The following SSH2 variants were observed in gnomAD, a reference collection of about 807,000 sequenced individuals.
SSH2 encodes the protein protein phosphatase Slingshot homolog 2.
SSH2 carries 37 observed loss-of-function variants against 135.2 expected under a neutral mutation model. That is an observed-to-expected ratio of 0.27 (90% CI 0.21 to 0.36). The LOEUF (loss-of-function observed/expected upper bound fraction) is 0.36, where lower values mean the gene tolerates loss of function less well. SSH2 is among the 10% of genes least tolerant of loss of function. SSH2 has a pLI of 1.00. For synonymous variants in SSH2, 628 were observed against 646.2 expected, an observed-to-expected ratio of 0.97 and a Z score of 0.43; for missense variants, 1,408 against 1,765.3, an observed-to-expected ratio of 0.80 and a Z score of 3.63.
intron 1 of SSH2, among the ~76,000 whole-genome samples, chr17:29,854,657 C>A (rs1476433457): frequency 1.3e-5 from 2 of 150,226 alleles, no homozygotes; most frequent in African/African-American, 2.5e-5. Flanking sequence ...AAGAAATAAT[C>A]CCACAAGAGG....
rs923469836 is a variant in SSH2, at chr17:29,829,074, G to C, written c.144+19775C>G. 2.0e-5 allele frequency among the ~76,000 whole-genome samples: 3 copies of C among 152,148 alleles called. No individual in the cohort carries two copies. In the East Asian group the frequency reaches 5.8e-4, roughly 29 times the overall value. On this transcript the variant is annotated intron_variant, in intron 2 of 15. Coordinates refer to ENST00000540801, the MANE Select transcript of SSH2 (RefSeq NM_001282129.2). ...CAAGTCCACATGTGACCCATGAATG[G>C]AGTGCTATTCCATGAGCCACAAAAA...
chr17:29,661,061 CAAAAAAA>C (rs374216221), intron 11 of SSH2, among the ~76,000 whole-genome samples: 1 of 48,360 alleles, frequency 2.1e-5, no homozygotes, highest in South Asian at 7.3e-4. Flanking sequence ...AATTCCATCT[CAAAAAAA>C]AAAAAAAAAA....
At chr17:29,787,592 T>C (rs2041992553) in intron 3 of SSH2, 1 of 152,208 alleles carries the variant, frequency 6.6e-6, no homozygotes, top group Non-Finnish European at 1.5e-5. Context: ...CATTTTACAT[T>C]CCCACCAATA....
chr17:29,651,618 T>C (rs1292348028), intron 12 of SSH2, among the ~76,000 whole-genome samples: 3 of 152,364 alleles, frequency 2.0e-5, no homozygotes, highest in Admixed American at 6.5e-5. Context: ...CAATACAGCA[T>C]GGACTCACTC....
At chr17:29,716,650 AT>A in intron 3 of SSH2, 2 of 655,860 alleles carry the variant, frequency 3.0e-6, no homozygotes, top group Non-Finnish European at 5.7e-6. Flanking sequence ...TAGAGAACAT[AT>A]ATCGGGTGCC....
chr17:29,696,799 C>G (rs2038776597), intron 4 of SSH2, among the ~76,000 whole-genome samples: 1 of 151,378 alleles, frequency 6.6e-6, no homozygotes, highest in Non-Finnish European at 1.5e-5. Flanking sequence ...ATTCTCCTGC[C>G]TCAGCCTCCC....
In SSH2 at chr17:29,655,290, G is replaced by A. The variant is rs2036737735; in HGVS notation, c.1079+271C>T. Among the ~76,000 whole-genome samples, 7 of 152,090 alleles carry A rather than the reference G, an allele frequency of 4.6e-5. No individual in the cohort carries two copies. In the South Asian group the frequency reaches 1.4e-3, roughly 32 times the overall value. ...GGCTAATTTTTTTGTATTTTTAGTA[G>A]AGACGGGGTTTCACTGTGTTAGCCA... is the stretch of plus-strand genomic sequence containing the variant. On this transcript the variant is annotated intron_variant, in intron 12 of 15. Transcript: ENST00000540801.
At chr17:29,794,011 C>T (rs2042117293) in intron 2 of SSH2, 74 bp from the exon 3 acceptor site, 2 of 1,110,770 alleles carry the variant, frequency 1.8e-6, no homozygotes, top group Non-Finnish European at 2.7e-6. Context: ...TATAATTTTA[C>T]TAAGTTTCAC....
chr17:29,712,860 T>A (rs1172087237), intron 3 of SSH2, among the ~76,000 whole-genome samples: 1 of 152,118 alleles, frequency 6.6e-6, no homozygotes, highest in African/African-American at 2.4e-5. Context: ...ATATATCAAC[T>A]GAAGCCCAGA....
At chr17:29,861,981 C>T (rs868677709) in intron 1 of SSH2, among the ~76,000 whole-genome samples, 1 of 152,184 alleles carries the variant, frequency 6.6e-6, no homozygotes, top group African/African-American at 2.4e-5. Context: ...TAGTTATATA[C>T]TTTGCACATA....
At chr17:29,752,364 G>T (rs1385335184) in intron 3 of SSH2, among the ~76,000 whole-genome samples, 1 of 152,064 alleles carries the variant, frequency 6.6e-6, no homozygotes, top group Non-Finnish European at 1.5e-5. Context: ...GAGTACAGAA[G>T]TGTACTCCAA....
intron 2 of SSH2, among the ~76,000 whole-genome samples, chr17:29,809,483 G>C (rs770300258): frequency 6.6e-6 from 1 of 152,006 alleles, no homozygotes; most frequent in African/African-American, 2.4e-5. Context: ...ACTCCGTCTT[G>C]TCTCAGACTT....
intron 2 of SSH2, among the ~76,000 whole-genome samples, chr17:29,810,252 A>G (rs993725419): frequency 6.6e-6 from 1 of 152,206 alleles, no homozygotes; most frequent in Admixed American, 6.5e-5. Flanking sequence ...TCTTAGCTAT[A>G]GCCATCCCAC....
chr17:29,724,122 T>G (rs2628191), intron 3 of SSH2, among the ~76,000 whole-genome samples: 66,817 of 151,790 alleles, frequency 0.44, 15,091 homozygotes, highest in Non-Finnish European at 0.49. Context: ...AATTATAATT[T>G]AATCAACTAG....
At chr17:29,668,650 C>A (rs1598757125) in intron 9 of SSH2, among the ~76,000 whole-genome samples, 1 of 151,692 alleles carries the variant, frequency 6.6e-6, no homozygotes, top group Non-Finnish European at 1.5e-5. Flanking sequence ...GGTGGGAGGA[C>A]TGCTTGAGCC....
intron 3 of SSH2, among the ~76,000 whole-genome samples, chr17:29,755,191 T>TA (rs764150729): frequency 1.9e-4 from 29 of 152,230 alleles, no homozygotes; most frequent in Non-Finnish European, 2.9e-4. Flanking sequence ...AAAATGCACG[T>TA]ACAGACTCTT....
At chr17:29,637,814 T>C (rs1003936635) in intron 14 of SSH2, among the ~76,000 whole-genome samples, 21 of 150,112 alleles carry the variant, frequency 1.4e-4, no homozygotes, top group Admixed American at 1.3e-3. Flanking sequence ...TAAAGAAAGA[T>C]ATATACAGAT....
At chr17:29,791,505 A>G (rs2042063704) in intron 3 of SSH2, among the ~76,000 whole-genome samples, 1 of 152,252 alleles carries the variant, frequency 6.6e-6, no homozygotes, top group Non-Finnish European at 1.5e-5. Flanking sequence ...CCACAAACTG[A>G]CAAGATGAGT....
chr17:29,923,074 C>A (rs1343221663), intron 1 of SSH2, among the ~76,000 whole-genome samples: 1 of 152,134 alleles, frequency 6.6e-6, no homozygotes, highest in East Asian at 1.9e-4. Flanking sequence ...CCACACCCAG[C>A]TAATTTTTTG....
Sources: gnomAD v4.1 joint callset for allele counts (sites outside exome capture counted in the v4.1 genomes callset) on GRCh38, gnomAD v4.1.1 for gene constraint, MANE v1.5 for transcripts, NCBI Gene and HGNC (gene_info 2026-07-23, HGNC 2026-07-21) for gene names.